The following ZNF474 variants were observed in gnomAD, a reference collection of about 807,000 sequenced individuals.
ZNF474 encodes zinc finger protein 474, also known as 4933409D10Rik.
For synonymous variants in ZNF474, 192 were observed against 162.2 expected, an observed-to-expected ratio of 1.18 and a Z score of -1.39; for missense variants, 511 against 433.8, an observed-to-expected ratio of 1.18 and a Z score of -1.58.
intron 1 of ZNF474, among the ~76,000 whole-genome samples, chr5:122,148,617 T>G (rs2152606499): frequency 6.6e-6 from 1 of 152,290 alleles, no homozygotes; most frequent in South Asian, 2.1e-4. Context: ...CTACCTCTGC[T>G]GGTTATGTAG....
At chr5:122,132,749 T>A (rs1260454342) in intron 1 of ZNF474, among the ~76,000 whole-genome samples, 3 of 152,186 alleles carry the variant, frequency 2.0e-5, no homozygotes, top group Admixed American at 6.5e-5. Context: ...TTTTCCTCTC[T>A]CCATTGAATT....
intron 1 of ZNF474, among the ~76,000 whole-genome samples, chr5:122,151,348 C>T (rs756704116): frequency 2.6e-5 from 4 of 152,096 alleles, no homozygotes; most frequent in African/African-American, 4.8e-5. Context: ...GGATCTCTGA[C>T]GTAGTGGAAG....
At chr5:122,137,935 C>T (rs536804011) in intron 1 of ZNF474, among the ~76,000 whole-genome samples, 1 of 152,334 alleles carries the variant, frequency 6.6e-6, no homozygotes, top group East Asian at 1.9e-4. Flanking sequence ...CCCACAGATG[C>T]GAGGCGCACC....
At chr5:122,137,446 CAAAAAAAAA>C (rs1166694085) in intron 1 of ZNF474, among the ~76,000 whole-genome samples, 30 of 11,612 alleles carry the variant, frequency 2.6e-3, no homozygotes, top group East Asian at 0.015. Context: ...GACTCTGTCT[CAAAAAAAAA>C]AAAAAAAAAA....
At chr5:122,140,230 T>C (rs142866860) in intron 1 of ZNF474, among the ~76,000 whole-genome samples, 298 of 152,340 alleles carry the variant, frequency 2.0e-3, no homozygotes, top group Middle Eastern at 6.8e-3. Flanking sequence ...CAGTAGTGGA[T>C]ACTTATTAAA....
At chr5:122,133,042 T>G (rs1199352373) in intron 1 of ZNF474, among the ~76,000 whole-genome samples, 1 of 152,168 alleles carries the variant, frequency 6.6e-6, no homozygotes, top group African/African-American at 2.4e-5. Context: ...GCAGCAACCT[T>G]ATTTTAAGTG....
chr5:122,133,808 A>C (rs887177766), intron 1 of ZNF474, among the ~76,000 whole-genome samples: 6 of 152,114 alleles, frequency 3.9e-5, no homozygotes, highest in African/African-American at 1.4e-4. Flanking sequence ...CAATCCTCCC[A>C]CCCTGGTTCC....
At chr5:122,143,172 G>T (rs139500300) in intron 1 of ZNF474, among the ~76,000 whole-genome samples, 104 of 152,246 alleles carry the variant, frequency 6.8e-4, no homozygotes, top group Middle Eastern at 6.8e-3. Flanking sequence ...TATCAGAAAG[G>T]TTCCTCCCGG....
chr5:122,130,562 T>G (rs1346840342), intron 1 of ZNF474, among the ~76,000 whole-genome samples: 1 of 152,220 alleles, frequency 6.6e-6, no homozygotes, highest in East Asian at 1.9e-4. Flanking sequence ...ATATGCTTAT[T>G]TTACATTTGT....
chr5:122,143,887 C>T (rs147007207), intron 1 of ZNF474, among the ~76,000 whole-genome samples: 4,926 of 152,112 alleles, frequency 0.032, 124 homozygotes, highest in Middle Eastern at 0.054. Context: ...TGATATCAAC[C>T]GATCAATAAA....
chr5:122,135,892 G>T (rs1755688527), intron 1 of ZNF474, among the ~76,000 whole-genome samples: 1 of 151,926 alleles, frequency 6.6e-6, no homozygotes, highest in African/African-American at 2.4e-5. Context: ...GCTAAGCACA[G>T]AAGGACAGTA....
chr5:122,137,446 C>CAAAAAAA lies in ZNF474; in HGVS notation c.-213+7788_-213+7794dup, dbSNP rs1166694085. Among the ~76,000 whole-genome samples, 19 of 11,612 alleles carry CAAAAAAA rather than the reference C, an allele frequency of 1.6e-3. 3 individuals carry two copies. Among genetic ancestry groups the CAAAAAAA allele is most frequent in the Admixed American group, 3.5e-3 (2 of 570 alleles). The allele number at this position is 11,612 out of a possible 152,430, so 7.6% of individuals were successfully genotyped here. On this transcript the variant is annotated intron_variant, in intron 1 of 1. Transcript: ENST00000296600. The stretch of plus-strand genomic sequence containing the variant: ...TGGGTGACAGAGTGAGACTCTGTCT[C>CAAAAAAA]AAAAAAAAAAAAAAAAAAAAAAAAA...
Position 122,153,327 on chromosome 5 carries a change from C to T in ZNF474, c.*242C>T. The T allele has an allele frequency of 2.1e-6, 1 of 466,830 alleles. No individual in the cohort carries two copies. The highest frequency in any genetic ancestry group is 6.2e-5 in the South Asian group (1 of 16,144). 28.9% of individuals were successfully genotyped at this position (466,830 alleles called of 1,614,324 possible). On this transcript the variant is annotated 3_prime_UTR_variant, in exon 2 of 2. Coordinates refer to ENST00000296600, the MANE Select transcript of ZNF474 (RefSeq NM_207317.3). ...CTTCTTTCTTCCCTGATCCCTGATA[C>T]AAATAATCCCTGGGAGAGACAGTAA...
chr5:122,135,533 C>T (rs919479493), intron 1 of ZNF474, among the ~76,000 whole-genome samples: 12 of 152,152 alleles, frequency 7.9e-5, no homozygotes, highest in South Asian at 2.1e-4. Context: ...AACCCTTGTA[C>T]ACTGTTGGTA....
intron 1 of ZNF474, among the ~76,000 whole-genome samples, chr5:122,142,251 A>G (rs957782159): frequency 2.0e-5 from 3 of 152,202 alleles, no homozygotes; most frequent in African/African-American, 7.2e-5. Flanking sequence ...GGGAAAAAAG[A>G]CCCTGTTGAA....
chr5:122,136,416 T>C (rs946926357), intron 1 of ZNF474, among the ~76,000 whole-genome samples: 8 of 152,164 alleles, frequency 5.3e-5, no homozygotes, highest in Non-Finnish European at 8.8e-5. Context: ...GAAGCCAAAC[T>C]CTGTGATTCT....
chr5:122,148,647 T>C (rs1242235098), intron 1 of ZNF474, among the ~76,000 whole-genome samples: 2 of 152,168 alleles, frequency 1.3e-5, no homozygotes, highest in Non-Finnish European at 2.9e-5. Context: ...AAGATATTGG[T>C]GAAATTAAGA....
In ZNF474 at chr5:122,152,397, C is replaced by G; in HGVS notation, c.407C>G (p.Pro136Arg). 1 of 1,614,174 alleles carries G rather than the reference C, an allele frequency of 6.2e-7. No individual in the cohort carries two copies. The highest frequency in any genetic ancestry group is 8.5e-7 in the Non-Finnish European group (1 of 1,180,044). The change falls in exon 2 of 2, where the codon CCC becomes CGC. Residue 136 changes from proline to arginine, a missense_variant. By Grantham distance (103) the Pro-to-Arg change is moderately radical. Coordinates refer to ENST00000296600, the MANE Select transcript of ZNF474 (RefSeq NM_207317.3). ...CCCAAGCATTTGAGGAGGCCAGAAC[C>G]CTCCAAACCACAGTCTCTCAGCAGC... Reference protein sequence around the residue: ...KLPKHLRRPEPSKPQSLSSSG... With the variant: ...KLPKHLRRPERSKPQSLSSSG...
chr5:122,130,939 G>A (rs1171649677), intron 1 of ZNF474, among the ~76,000 whole-genome samples: 3 of 151,924 alleles, frequency 2.0e-5, no homozygotes, highest in Non-Finnish European at 4.4e-5. Context: ...TGTACATTAG[G>A]TTTCTAGCAT....
Sources: gnomAD v4.1 joint callset for allele counts (sites outside exome capture counted in the v4.1 genomes callset) on GRCh38, gnomAD v4.1.1 for gene constraint, MANE v1.5 for transcripts, NCBI Gene and HGNC (gene_info 2026-07-23, HGNC 2026-07-21) for gene names.